Variants in ZFP92 observed in about 807,000 individuals in gnomAD.
ZFP92 encodes the protein ZFP92 zinc finger protein.
In ZFP92, 2 loss-of-function variants were observed where a neutral mutation model predicts 7.6. That is an observed-to-expected ratio of 0.26 (90% CI 0.11 to 0.83). ZFP92 has a LOEUF of 0.83. ZFP92 is among the 40% of genes least tolerant of loss of function. ZFP92 has a pLI of 0.65. For missense variants in ZFP92, 324 were observed against 408.3 expected (o/e 0.79, Z 1.78); for synonymous variants, 226 against 183.6 (o/e 1.23, Z -1.87).
At chrX:153,420,140 A>G (rs1301878713) in intron 4 of ZFP92, 88 bp from the exon 5 acceptor site, 1 of 678,782 alleles carries the variant, frequency 1.5e-6, no homozygotes, top group Non-Finnish European at 2.2e-6. Context: ...ATTCTCTGTT[A>G]CCTGAAGATA....
intron 2 of ZFP92, among the ~76,000 whole-genome samples, chrX:153,412,367 C>A (rs782152202): frequency 8.9e-6 from 1 of 112,592 alleles, no homozygotes; most frequent in East Asian, 2.8e-4. Flanking sequence ...CCCACAGATA[C>A]CTCCTGAGCA....
chrX:153,421,472 G>A lies in ZFP92; in HGVS notation c.1095G>A (p.Lys365=). 1 of 1,149,290 alleles carries A rather than the reference G, an allele frequency of 8.7e-7. No homozygotes were observed. The highest frequency in any genetic ancestry group is 1.9e-5 in the South Asian group (1 of 52,172). 94.7% of individuals were successfully genotyped at this position (1,149,290 alleles called of 1,213,427 possible). ...TCGGCCGGCGCGCCAACCTATTCAA[G>A]CACCAGGCAGTGCACGGCGCCAGGC... The part of the protein sequence containing the change: ...KAFGRRANLF[K]HQAVHGARRP... Residue 365 remains lysine (K), a synonymous_variant, in exon 6 of 6, where the codon AAG becomes AAA. Transcript: ENST00000338647.
chrX:153,418,990 T>C (rs1556974416), intron 4 of ZFP92, among the ~76,000 whole-genome samples, 191 bp downstream of exon 4: 3 of 112,733 alleles, frequency 2.7e-5, no homozygotes, highest in African/African-American at 9.7e-5. Context: ...TTTAGCTAAG[T>C]GGTCTGGACC....
In ZFP92 at chrX:153,418,684, T is replaced by G; in HGVS notation, c.45T>G (p.Ser15=). ...LLTTRPKVPV[S]FEDVSVYFTK... ...ATGCCTTATTTTAGGTGCCAGTATC[T>G]TTTGAGGATGTGTCCGTGTACTTCA... The change falls in exon 4 of 6, where the codon TCT becomes TCG. Residue 15 remains serine, a synonymous_variant. Transcript: ENST00000338647. 1 of 1,167,730 alleles carries G rather than the reference T, an allele frequency of 8.6e-7. No homozygotes were observed.
rs782177277 is a variant in ZFP92 at position 153,420,205 on chromosome X, C to A, written c.161-23C>A. On this transcript the variant is annotated intron_variant, in intron 4 of 5. Transcript: ENST00000338647. The stretch of plus-strand genomic sequence containing the variant: ...CTGCCCTCAGCCATAGTGGTCTTGA[C>A]CTGCTTCATATTCCACGCCCAGGAT... The A allele has an allele frequency of 2.4e-5, 27 of 1,146,174 alleles. No individual in the cohort carries two copies. The East Asian group carries it at 7.2e-4, about 31-fold the overall frequency. The allele number at this position is 1,146,174 out of a possible 1,213,427, so 94.5% of individuals were successfully genotyped here. A position where few individuals can be genotyped will look rare whatever the true frequency, so the allele number is the denominator to read the frequency against.
At chrX:153,416,552 C>T (rs191709792) in intron 2 of ZFP92, among the ~76,000 whole-genome samples, 148 of 111,402 alleles carry the variant, frequency 1.3e-3, no homozygotes, top group Admixed American at 2.1e-3. Context: ...TCTCCTGTGG[C>T]GTTGTTGGCA....
chrX:153,421,185 G>C lies in ZFP92; in HGVS notation c.808G>C (p.Gly270Arg). Residue 270 changes from glycine (G) to arginine (R), a missense_variant, in exon 6 of 6, where the codon GGC (glycine) becomes CGC (arginine). Coordinates refer to ENST00000338647, the MANE Select transcript of ZFP92 (RefSeq NM_001136273.2). ...GERPYACPEC[G>R]KAFSRSSNLI... ...GCGGCCCTACGCGTGCCCAGAGTGC[G>C]GCAAGGCCTTCAGCCGCAGCTCCAA... 1.7e-6 allele frequency: 2 copies of C among 1,187,088 alleles called. No individual in the cohort carries two copies. The highest frequency in any genetic ancestry group is 2.3e-6 in the Non-Finnish European group (2 of 883,430).
intron 3 of ZFP92, 26 bp from the exon 4 acceptor site, chrX:153,418,647 G>A (rs1253888168): frequency 2.6e-6 from 3 of 1,165,397 alleles, no homozygotes; most frequent in East Asian, 3.3e-5. Context: ...GAATTCCCCT[G>A]TGGCCACAAG....
chrX:153,415,647 T>C (rs1378834731), intron 2 of ZFP92, among the ~76,000 whole-genome samples: 1 of 111,867 alleles, frequency 8.9e-6, no homozygotes, highest in Non-Finnish European at 1.9e-5. Flanking sequence ...ATGATAACTA[T>C]GTCTAACTCA....
At chrX:153,420,531 G>A (rs1034759655) in intron 5 of ZFP92, 112 bp from the exon 6 acceptor site, 61 of 1,041,068 alleles carry the variant, frequency 5.9e-5, no homozygotes, top group Non-Finnish European at 7.2e-5. Context: ...CCTGTGTGAT[G>A]GCTTTCTGTT....
intron 2 of ZFP92, among the ~76,000 whole-genome samples, chrX:153,418,087 G>C (rs907070213): frequency 8.0e-5 from 9 of 112,249 alleles, no homozygotes; most frequent in African/African-American, 2.3e-4. Context: ...TGTCTTGCTT[G>C]AAGGCCCCGA....
intron 2 of ZFP92, among the ~76,000 whole-genome samples, chrX:153,414,381 T>C (rs2088933923): frequency 8.9e-6 from 1 of 111,873 alleles, no homozygotes; most frequent in Non-Finnish European, 1.9e-5. Flanking sequence ...AGAGTCTAGC[T>C]TTGTCGCCCA....
rs1556974668 is a variant in ZFP92, at chrX:153,420,300, C to T, written c.233C>T (p.Pro78Leu). 4 of 1,167,535 alleles carry T rather than the reference C, an allele frequency of 3.4e-6. No homozygotes were observed. In the South Asian group the frequency reaches 5.7e-5, roughly 17 times the overall value. The change falls in exon 5 of 6, where the codon CCC (proline) becomes CTC (leucine). Residue 78 changes from proline (P) to leucine (L), a missense_variant. By Grantham distance (98) the Pro-to-Leu change is moderately conservative. Coordinates refer to ENST00000338647, the MANE Select transcript of ZFP92 (RefSeq NM_001136273.2). ...GAAGGACCCTGGGTAGCAGACATCC[C>T]CAGAACCTGGGCCACCGCAGGATTG... ...RGEGPWVADI[P>L]RTWATAGLHI...
chrX:153,421,300 T>G lies in ZFP92; in HGVS notation c.923T>G (p.Ile308Ser), dbSNP rs1569529678. 8.5e-7 allele frequency: 1 copy of G among 1,172,349 alleles called. No individual in the cohort carries two copies. The highest frequency in any genetic ancestry group is 2.5e-5 in the Admixed American group (1 of 40,124). ...GCCTTCAAGGGCGTCTCGCAGCTCA[T>G]CCACCACCAGCGCAGCCACAGCGGC... ...AKAFKGVSQL[I>S]HHQRSHSGER... Residue 308 changes from isoleucine to serine, a missense_variant, in exon 6 of 6, where the codon ATC (isoleucine) becomes AGC (serine). Coordinates refer to ENST00000338647, the MANE Select transcript of ZFP92 (RefSeq NM_001136273.2).
In ZFP92 at chrX:153,425,653, T is replaced by C. The variant is rs2089037803; in HGVS notation, c.*4025T>C. ...CCCATGAGGTGTTGGGCTGGGGGCA[T>C]GATGACGCTGAGGCAACATGAGAGG... On this transcript the variant is annotated 3_prime_UTR_variant, in exon 6 of 6. Coordinates refer to ENST00000338647, the MANE Select transcript of ZFP92 (RefSeq NM_001136273.2). The C allele has an allele frequency of 9.0e-6, 1 of 111,544 alleles. No homozygotes were observed. The highest frequency in any genetic ancestry group is 9.4e-5 in the Admixed American group (1 of 10,583). The allele number at this position is 111,544 out of a possible 1,213,427, so 9.2% of individuals were successfully genotyped here. A position where few individuals can be genotyped will look rare whatever the true frequency, so the allele number is the denominator to read the frequency against.
In ZFP92 at chrX:153,425,637, T is replaced by C. The variant is rs1556976263; in HGVS notation, c.*4009T>C. 3 of 111,389 alleles carry C rather than the reference T, an allele frequency of 2.7e-5. No individual in the cohort carries two copies. The allele number at this position is 111,389 out of a possible 1,213,427, so 9.2% of individuals were successfully genotyped here. ...CTCGATGGTTGTGATGCCCATGAGG[T>C]GTTGGGCTGGGGGCATGATGACGCT... On this transcript the variant is annotated 3_prime_UTR_variant, in exon 6 of 6. Transcript: ENST00000338647.
intron 2 of ZFP92, among the ~76,000 whole-genome samples, chrX:153,415,426 T>C (rs782657045): frequency 2.0e-4 from 23 of 112,313 alleles, no homozygotes; most frequent in Non-Finnish European, 3.9e-4. Context: ...TGTGTCAGAA[T>C]TTCCTTTCTT....
At chrX:153,415,662 C>T (rs1433107276) in intron 2 of ZFP92, among the ~76,000 whole-genome samples, 1 of 111,723 alleles carries the variant, frequency 9.0e-6, no homozygotes, top group East Asian at 2.8e-4. Flanking sequence ...AACTCATTGA[C>T]AAGCCACCAG....
intron 2 of ZFP92, among the ~76,000 whole-genome samples, chrX:153,416,355 A>C (rs188427194): frequency 1.1e-3 from 125 of 111,828 alleles, no homozygotes; most frequent in Non-Finnish European, 1.7e-3. Context: ...TTCTCTCTCA[A>C]GTCTTTAACC....
Sources: allele counts gnomAD v4.1 joint callset (sites outside exome capture counted in the v4.1 genomes callset), GRCh38; gene constraint gnomAD v4.1.1; transcripts MANE v1.5; gene names NCBI Gene and HGNC (gene_info 2026-07-23, HGNC 2026-07-21).